The following RFPL4AL1 variants were observed in gnomAD, a reference collection of about 807,000 sequenced individuals.
RFPL4AL1 encodes the protein ret finger protein like 4A like 1.
A neutral mutation model predicts 8.2 loss-of-function variants in RFPL4AL1; 2 were observed. The ratio of observed to expected loss-of-function variants is 0.24; its 90% CI spans 0.10 to 0.77. The LOEUF (loss-of-function observed/expected upper bound fraction) is 0.77, where lower values mean the gene tolerates loss of function less well. Among genes scored for constraint, RFPL4AL1 ranks in the 30% least tolerant of loss-of-function variants. RFPL4AL1 has a pLI of 0.72. For synonymous variants in RFPL4AL1, 25 were observed against 131.8 expected, an observed-to-expected ratio of 0.19 and a Z score of 5.55; for missense variants, 57 against 350.3, an observed-to-expected ratio of 0.16 and a Z score of 6.68.
chr19:55,771,459 A>T (rs1265295346), intron 1 of RFPL4AL1, among the ~76,000 whole-genome samples: 1 of 152,046 alleles, frequency 6.6e-6, no homozygotes, highest in Non-Finnish European at 1.5e-5. Context: ...CTCACAGCAC[A>T]TCTCCATTCA....
intron 2 of RFPL4AL1, 129 bp downstream of exon 2, chr19:55,772,219 C>T: frequency 3.3e-6 from 2 of 613,728 alleles, no homozygotes; most frequent in South Asian, 2.0e-5. Flanking sequence ...TCACAAACAA[C>T]AGCAGTTCTC....
intron 1 of RFPL4AL1, among the ~76,000 whole-genome samples, chr19:55,771,086 G>GGTT (rs1555799526): frequency 0.029 from 3,822 of 130,076 alleles, 20 homozygotes; most frequent in East Asian, 0.037. Context: ...TCTGTTTTTT[G>GGTT]TTTTTTTTTT....
intron 2 of RFPL4AL1, 67 bp downstream of exon 2, chr19:55,772,157 T>C: frequency 6.9e-7 from 1 of 1,453,058 alleles, no homozygotes; most frequent in South Asian, 1.2e-5. Flanking sequence ...CAAACATTTC[T>C]TCATTAAACA....
At chr19:55,771,671 C>T in intron 1 of RFPL4AL1, 125 bp from the exon 2 acceptor site, 1 of 1,102,192 alleles carries the variant, frequency 9.1e-7, no homozygotes, top group Non-Finnish European at 1.3e-6. Flanking sequence ...TCATCACTAG[C>T]AGTAGTGATT....
chr19:55,769,454 T>C (rs553103360), intron 1 of RFPL4AL1, among the ~76,000 whole-genome samples: 3 of 151,854 alleles, frequency 2.0e-5, no homozygotes, highest in African/African-American at 7.2e-5. Context: ...GCTGCGTTAC[T>C]CAACGTCAGG....
intron 1 of RFPL4AL1, among the ~76,000 whole-genome samples, chr19:55,770,620 C>T (rs1440599481): frequency 6.6e-6 from 1 of 151,858 alleles, no homozygotes; most frequent in Non-Finnish European, 1.5e-5. Context: ...CGTGACACTG[C>T]AGAGTGTGTG....
intron 1 of RFPL4AL1, among the ~76,000 whole-genome samples, chr19:55,769,982 TG>T (rs1989459823): frequency 6.6e-6 from 1 of 151,990 alleles, no homozygotes; most frequent in Admixed American, 6.6e-5. Context: ...CCATGGCTGT[TG>T]TGAATAATGC....
At chr19:55,772,135 G>C (rs1343371564) in intron 2 of RFPL4AL1, 45 bp downstream of exon 2, 11 of 1,481,080 alleles carry the variant, frequency 7.4e-6, no homozygotes, top group Non-Finnish European at 1.0e-5. Flanking sequence ...AAGGCACTGG[G>C]AAAACGACTT....
intron 1 of RFPL4AL1, among the ~76,000 whole-genome samples, chr19:55,770,085 C>T (rs1252467454): frequency 6.6e-6 from 1 of 151,956 alleles, no homozygotes. Flanking sequence ...GGAACACAGG[C>T]AGTTCTATTC....
chr19:55,770,244 G>T (rs1263947187), intron 1 of RFPL4AL1, among the ~76,000 whole-genome samples: 1 of 151,928 alleles, frequency 6.6e-6, no homozygotes, highest in Non-Finnish European at 1.5e-5. Flanking sequence ...TAGCAGAGAG[G>T]GGGTAATATC....
At chr19:55,769,725 G>C (rs1448338805) in intron 1 of RFPL4AL1, among the ~76,000 whole-genome samples, 2 of 151,676 alleles carry the variant, frequency 1.3e-5, no homozygotes, top group Admixed American at 6.6e-5. Context: ...GTCTCGCTCT[G>C]TCTGCCAGGC....
intron 1 of RFPL4AL1, among the ~76,000 whole-genome samples, chr19:55,771,086 G>GGTTTTTTT (rs1555799526): frequency 1.5e-5 from 2 of 130,376 alleles, no homozygotes; most frequent in Non-Finnish European, 1.6e-5. Context: ...TCTGTTTTTT[G>GGTTTTTTT]TTTTTTTTTT....
chr19:55,770,626 G>T (rs1989474322), intron 1 of RFPL4AL1, among the ~76,000 whole-genome samples: 1 of 151,882 alleles, frequency 6.6e-6, no homozygotes, highest in Admixed American at 6.6e-5. Context: ...ACTGCAGAGT[G>T]TGTGATTTAG....
In RFPL4AL1 at chr19:55,771,079, G is replaced by GTTTTT. The variant is rs1243816491; in HGVS notation, c.-9-715_-9-711dup. Among the ~76,000 whole-genome samples the GTTTTT allele has an allele frequency of 1.8e-3, 161 of 89,148 alleles. 1 individual carries two copies. The highest frequency in any genetic ancestry group is 7.9e-3 in the Middle Eastern group (1 of 126). The allele number at this position is 89,148 out of a possible 152,430, so 58.5% of individuals were successfully genotyped here. A position where few individuals can be genotyped will look rare whatever the true frequency, so the allele number is the denominator to read the frequency against. ...TGCTTGTTTGGTTTCTTTTAGTTCT[G>GTTTTT]TTTTTTGTTTTTTTTTTTTTTTTTT... On this transcript the variant is annotated intron_variant, in intron 1 of 2. Coordinates refer to ENST00000341750, the MANE Select transcript of RFPL4AL1 (RefSeq NM_001277397.2).
At chr19:55,771,246 C>T (rs372833657) in intron 1 of RFPL4AL1, among the ~76,000 whole-genome samples, 22 of 152,038 alleles carry the variant, frequency 1.4e-4, no homozygotes, top group East Asian at 1.3e-3. Flanking sequence ...GACTCCAGCA[C>T]TGTCCAATAG....
intron 1 of RFPL4AL1, among the ~76,000 whole-genome samples, chr19:55,771,563 A>T (rs1989498399): frequency 6.7e-6 from 1 of 148,688 alleles, no homozygotes; most frequent in South Asian, 2.1e-4. Flanking sequence ...TTTCAACTCA[A>T]AGTCTTTCGG....
At chr19:55,771,320 C>G (rs1053188687) in intron 1 of RFPL4AL1, among the ~76,000 whole-genome samples, 4 of 152,074 alleles carry the variant, frequency 2.6e-5, no homozygotes, top group Non-Finnish European at 2.9e-5. Flanking sequence ...TAAAATAGAA[C>G]AAAACAAGCC....
intron 1 of RFPL4AL1, among the ~76,000 whole-genome samples, chr19:55,769,836 C>T (rs1314739930): frequency 6.6e-6 from 1 of 151,782 alleles, no homozygotes; most frequent in East Asian, 1.9e-4. Flanking sequence ...TCACTTATTT[C>T]ACTTCCCATC....
rs866799501 is a variant in RFPL4AL1 at position 55,773,405 on chromosome 19, T to A, written c.*226T>A. Among the ~76,000 whole-genome samples the A allele has an allele frequency of 6.0e-4, 81 of 134,928 alleles. 1 individual carries two copies. In the Middle Eastern group the frequency reaches 0.019, roughly 32 times the overall value. 88.5% of individuals were successfully genotyped at this position (134,928 alleles called of 152,430 possible). On this transcript the variant is annotated 3_prime_UTR_variant, in exon 3 of 3. Transcript: ENST00000341750. ...GGCTTATGTTTATATTTCTGTTCAATAAATATTTTGAAAATTCAGATTCAT... is the reference window on the plus strand; with the variant it reads ...GGCTTATGTTTATATTTCTGTTCAAAAAATATTTTGAAAATTCAGATTCAT...
Sources: allele counts gnomAD v4.1 joint callset (sites outside exome capture counted in the v4.1 genomes callset), GRCh38; gene constraint gnomAD v4.1.1; transcripts MANE v1.5; gene names NCBI Gene and HGNC (gene_info 2026-07-23, HGNC 2026-07-21).